The following FNBP4 variants were observed in gnomAD, a reference collection of about 807,000 sequenced individuals.
The protein encoded by FNBP4 is formin binding protein 4, also known as formin-binding protein 4.
FNBP4 carries 34 observed loss-of-function variants against 119.3 expected under a neutral mutation model. That is an observed-to-expected ratio of 0.28 (90% confidence interval 0.22 to 0.38). The LOEUF (loss-of-function observed/expected upper bound fraction) is 0.38, where lower values mean the gene tolerates loss of function less well. FNBP4 is among the 10% of genes least tolerant of loss of function. FNBP4 has a pLI of 1.00. For missense variants in FNBP4, 1,112 were observed against 1,228.9 expected, an observed-to-expected ratio of 0.90 and a Z score of 1.42; for synonymous variants, 462 against 430.6, an observed-to-expected ratio of 1.07 and a Z score of -0.90.
Position 47,765,290 on chromosome 11 carries a change from G to GGTCT in FNBP4, c.289_292dup (p.Pro98GlnfsTer6). 1 of 1,610,506 alleles carries GGTCT rather than the reference G, an allele frequency of 6.2e-7. No individual in the cohort carries two copies. ...CATACCTGTTGCTTTAACAGCTGTG[G>GGTCT]GTCTAGTGGTCATGACTGGTTTTGG... On this transcript the variant is annotated frameshift_variant, in exon 2 of 17. Coordinates refer to ENST00000263773, the MANE Select transcript of FNBP4 (RefSeq NM_015308.5). LOFTEE classifies it high-confidence loss of function.
Position 47,717,527 on chromosome 11 carries a change from T to C in FNBP4, c.2964-15A>G, listed in dbSNP as rs2097551141. ...CTGCCATGCCACTGTGAAAACAACATACAGATTATTTTAGTGGAAAGAAAA... is the reference window on the plus strand; with the variant it reads ...CTGCCATGCCACTGTGAAAACAACACACAGATTATTTTAGTGGAAAGAAAA... On this transcript the variant is annotated splice_polypyrimidine_tract_variant and intron_variant, in intron 16 of 16. Coordinates refer to ENST00000263773, the MANE Select transcript of FNBP4 (RefSeq NM_015308.5). 3.2e-6 allele frequency: 5 copies of C among 1,572,470 alleles called. No individual in the cohort carries two copies. The East Asian group carries it at 1.1e-4, about 35-fold the overall frequency.
intron 4 of FNBP4, 136 bp downstream of exon 4, chr11:47,752,780 C>G: frequency 2.5e-6 from 2 of 815,170 alleles, no homozygotes; most frequent in Admixed American, 5.3e-5. Context: ...CGCCAGTGCA[C>G]TCCAGCCTGG....
chr11:47,722,871 TTAAGCC>T, intron 15 of FNBP4, 99 bp downstream of exon 15: 1 of 1,315,318 alleles, frequency 7.6e-7, no homozygotes, highest in African/African-American at 1.5e-5. Flanking sequence ...GATTACAGGC[TTAAGCC>T]ACAGTGCCCA....
At chr11:47,743,142 T>C (rs1381152403) in intron 8 of FNBP4, among the ~76,000 whole-genome samples, 4 of 152,132 alleles carry the variant, frequency 2.6e-5, no homozygotes, top group Admixed American at 1.3e-4. Flanking sequence ...TTCTTCTAGG[T>C]GTACTCAACT....
At chr11:47,726,331 C>G (rs1385122930) in intron 12 of FNBP4, 2 of 151,888 alleles carry the variant, frequency 1.3e-5, no homozygotes, top group Non-Finnish European at 2.9e-5. Flanking sequence ...AAACACTTGG[C>G]TCAAGCGATC....
chr11:47,765,473 A>T (rs2097645440), intron 1 of FNBP4, 111 bp from the exon 2 acceptor site: 1 of 711,966 alleles, frequency 1.4e-6, no homozygotes, highest in Non-Finnish European at 2.3e-6. Flanking sequence ...CCAACCTTTG[A>T]TTTAACATTT....
At chr11:47,738,850 T>A (rs1352167141) in intron 8 of FNBP4, among the ~76,000 whole-genome samples, 1 of 14,184 alleles carries the variant, frequency 7.1e-5, no homozygotes, top group African/African-American at 4.0e-4. Context: ...CCAGGTAATT[T>A]TTTTTTTTTT....
chr11:47,734,137 G>A lies in FNBP4; in HGVS notation c.1582-8C>T, dbSNP rs2097570852. 1 of 1,513,446 alleles carries A rather than the reference G, an allele frequency of 6.6e-7. No homozygotes were observed. Among genetic ancestry groups the A allele is most frequent in the Non-Finnish European group, 8.9e-7 (1 of 1,118,422 alleles). 93.8% of individuals were successfully genotyped at this position (1,513,446 alleles called of 1,614,324 possible). ...CAGTTCTCCAATCTGAAACTACAAT[G>A]CAAAAAAGAAAAAAAGTAAAACTAG... On this transcript the variant is annotated splice_polypyrimidine_tract_variant and splice_region_variant and intron_variant, in intron 9 of 16. Transcript: ENST00000263773.
chr11:47,756,933 C>T (rs1219147086), intron 2 of FNBP4, among the ~76,000 whole-genome samples: 37 of 152,126 alleles, frequency 2.4e-4, no homozygotes, highest in Admixed American at 2.4e-3. Context: ...TTTTCTTAAT[C>T]CAGTCTATCA....
intron 6 of FNBP4, among the ~76,000 whole-genome samples, chr11:47,750,671 G>T (rs1363231617): frequency 8.1e-6 from 1 of 123,688 alleles, no homozygotes; most frequent in African/African-American, 3.3e-5. Context: ...CCTGGGTGAC[G>T]GGGCGAGACT....
chr11:47,736,737 A>C lies in FNBP4; in HGVS notation c.1460T>G (p.Ile487Ser), dbSNP rs2097574662. The C allele has an allele frequency of 1.3e-6, 2 of 1,595,216 alleles. No individual in the cohort carries two copies. Among genetic ancestry groups the C allele is most frequent in the African/African-American group, 1.3e-5 (1 of 74,252 alleles). ...RDTPENGETA[I>S]GAENSEKIDE... is the part of the protein sequence containing the mutation. ...TATTTTTTCTGAATTTTCAGCACCA[A>C]TTGCTGTAAAAAAAACATGTAAAAT... The change falls in exon 9 of 17, where the codon ATT (isoleucine) becomes AGT (serine). Residue 487 changes from isoleucine to serine, a missense_variant. Transcript: ENST00000263773.
chr11:47,746,053 T>C lies in FNBP4; in HGVS notation c.1245+3A>G, dbSNP rs2097589586. 1 of 1,588,706 alleles carries C rather than the reference T, an allele frequency of 6.3e-7. No individual in the cohort carries two copies. The highest frequency in any genetic ancestry group is 8.5e-7 in the Non-Finnish European group (1 of 1,171,900). ...ATTCTACAAGTAACTTTCAAAAGCTTACTTTTTTCCTTTCCAAAACTAGCT... is the reference window on the plus strand; with the variant it reads ...ATTCTACAAGTAACTTTCAAAAGCTCACTTTTTTCCTTTCCAAAACTAGCT... On this transcript the variant is annotated splice_donor_region_variant and intron_variant, in intron 7 of 16. Coordinates refer to ENST00000263773, the MANE Select transcript of FNBP4 (RefSeq NM_015308.5).
intron 8 of FNBP4, 90 bp downstream of exon 8, chr11:47,743,863 T>C (rs2097585685): frequency 1.8e-6 from 2 of 1,141,638 alleles, no homozygotes; most frequent in East Asian, 2.4e-5. Flanking sequence ...TACAATCTCC[T>C]GTTTTGTTGA....
intron 12 of FNBP4, 123 bp from the exon 13 acceptor site, chr11:47,724,901 A>T (rs1232329962): frequency 7.4e-7 from 1 of 1,359,048 alleles, no homozygotes; most frequent in Non-Finnish European, 9.6e-7. Flanking sequence ...TGTACAAAAC[A>T]ATACAGAATG....
In FNBP4 at chr11:47,767,270, C is replaced by A; in HGVS notation, c.19G>T (p.Ala7Ser). ...AGGATGGGCCTACGGCCGGGTACCGCCCGGGACTTCTTCCCCATCGCGAGC... is the reference window on the plus strand; with the variant it reads ...AGGATGGGCCTACGGCCGGGTACCGACCGGGACTTCTTCCCCATCGCGAGC... MGKKSR[A>S]VPGRRPILQL... The change falls in exon 1 of 17, where the codon GCG becomes TCG. Residue 7 changes from alanine to serine, a missense_variant. Coordinates refer to ENST00000263773, the MANE Select transcript of FNBP4 (RefSeq NM_015308.5). The A allele has an allele frequency of 6.5e-7, 1 of 1,539,902 alleles. No individual in the cohort carries two copies. The highest frequency in any genetic ancestry group is 8.7e-7 in the Non-Finnish European group (1 of 1,151,594).
chr11:47,744,239 T>C (rs1004691835), intron 7 of FNBP4, 76 bp from the exon 8 acceptor site: 3 of 1,280,512 alleles, frequency 2.3e-6, no homozygotes, highest in Non-Finnish European at 3.3e-6. Context: ...TAAACAAGAC[T>C]ATGTTGTTGA....
intron 2 of FNBP4, among the ~76,000 whole-genome samples, chr11:47,763,339 G>C (rs1039368675): frequency 6.0e-5 from 9 of 150,894 alleles, no homozygotes; most frequent in African/African-American, 2.2e-4. Flanking sequence ...CAGCTGCTCA[G>C]GAGGGTGAGG....
intron 7 of FNBP4, among the ~76,000 whole-genome samples, chr11:47,744,835 G>T (rs377391402): frequency 7.2e-5 from 11 of 152,016 alleles, no homozygotes; most frequent in South Asian, 2.1e-4. Context: ...ATTCTTTCTG[G>T]TTTTTTTCTG....
Position 47,761,326 on chromosome 11 carries a change from C to T in FNBP4, c.313+3944G>A, listed in dbSNP as rs574090795. The stretch of plus-strand genomic sequence containing the variant: ...AAAAATCTCAGAGGCTGGGCATGGT[C>T]GCTCACCGCTCTAATCCCAGCACTT... On this transcript the variant is annotated intron_variant, in intron 2 of 16. Coordinates refer to ENST00000263773, the MANE Select transcript of FNBP4 (RefSeq NM_015308.5). Among the ~76,000 whole-genome samples the T allele has an allele frequency of 3.3e-4, 50 of 152,170 alleles. 1 individual carries two copies. In the South Asian group the frequency reaches 9.1e-3, roughly 28 times the overall value.
Sources: allele counts gnomAD v4.1 joint callset (sites outside exome capture counted in the v4.1 genomes callset), GRCh38; gene constraint gnomAD v4.1.1; transcripts MANE v1.5; gene names NCBI Gene and HGNC (gene_info 2026-07-23, HGNC 2026-07-21).